Variants in SSBP3 observed in about 807,000 individuals in gnomAD.
SSBP3 encodes the protein single stranded DNA binding protein 3, also known as single-stranded DNA-binding protein 3.
A neutral mutation model predicts 69.6 loss-of-function variants in SSBP3; 5 were observed. That is an observed-to-expected ratio of 0.07 (90% CI 0.04 to 0.15). SSBP3 has a LOEUF of 0.15. Among genes scored for constraint, SSBP3 ranks in the 10% least tolerant of loss-of-function variants. The pLI is 1.00. For synonymous variants in SSBP3, 196 were observed against 193.4 expected (o/e 1.01, Z -0.11); for missense variants, 312 against 534.0 (o/e 0.58, Z 4.10).
chr1:54,326,138 T>C (rs1646299035), intron 4 of SSBP3, among the ~76,000 whole-genome samples: 1 of 151,102 alleles, frequency 6.6e-6, no homozygotes, highest in South Asian at 2.1e-4. Flanking sequence ...CAGGGTAATC[T>C]GATGATCGCA....
chr1:54,404,330 G>T (rs527443060), intron 3 of SSBP3, among the ~76,000 whole-genome samples: 192 of 152,284 alleles, frequency 1.3e-3, no homozygotes, highest in Non-Finnish European at 9.3e-4. Context: ...AAATGTAAAA[G>T]TAAGGAGTTT....
intron 7 of SSBP3, among the ~76,000 whole-genome samples, chr1:54,252,476 C>T (rs1475935886): frequency 9.8e-5 from 15 of 152,334 alleles, no homozygotes; most frequent in African/African-American, 2.4e-5. Context: ...CAGGTCACAT[C>T]CCATCAGCTT....
At chr1:54,404,045 G>C (rs763024450) in intron 3 of SSBP3, among the ~76,000 whole-genome samples, 1 of 151,874 alleles carries the variant, frequency 6.6e-6, no homozygotes, top group South Asian at 2.1e-4. Context: ...GCTCCCAGAG[G>C]AAAGGAAGGA....
At chr1:54,339,644 G>A (rs1358135963) in intron 4 of SSBP3, among the ~76,000 whole-genome samples, 1 of 152,142 alleles carries the variant, frequency 6.6e-6, no homozygotes, top group Non-Finnish European at 1.5e-5. Context: ...CGGGCATGGT[G>A]GCTCACACCT....
At chr1:54,370,430 G>A (rs542010629) in intron 4 of SSBP3, among the ~76,000 whole-genome samples, 29 of 152,308 alleles carry the variant, frequency 1.9e-4, no homozygotes, top group African/African-American at 6.0e-4. Flanking sequence ...AAGAGTTACC[G>A]TGATCAACTT....
chr1:54,279,153 C>T (rs544332447), intron 5 of SSBP3, among the ~76,000 whole-genome samples: 52 of 152,176 alleles, frequency 3.4e-4, no homozygotes, highest in Non-Finnish European at 6.9e-4. Context: ...GAGGCCAAGA[C>T]ATTGCTCTCT....
upstream of SSBP3, among the ~76,000 whole-genome samples, chr1:54,407,402 A>G (rs1649854389): frequency 6.7e-6 from 1 of 148,402 alleles, no homozygotes; most frequent in African/African-American, 2.5e-5. Context: ...GCGTAGGGGG[A>G]GGGGAAGCTT....
intron 4 of SSBP3, among the ~76,000 whole-genome samples, chr1:54,337,227 A>G (rs2100496219): frequency 6.6e-6 from 1 of 152,280 alleles, no homozygotes; most frequent in South Asian, 2.1e-4. Context: ...AACGGTTCAC[A>G]GGGCACACAG....
chr1:54,400,897 A>T (rs1180880680), intron 4 of SSBP3, among the ~76,000 whole-genome samples: 1 of 152,192 alleles, frequency 6.6e-6, no homozygotes, highest in African/African-American at 2.4e-5. Context: ...GACGTTCAAG[A>T]AACCAACTCC....
Position 54,297,547 on chromosome 1 carries a change from C to A in SSBP3, c.277-16020G>T, listed in dbSNP as rs554632823. ...TTGGGAAGCTGAGGCAGGAGAATCG[C>A]TTGAACTTGGGAGGCAGAGGTTGCA... is the stretch of plus-strand genomic sequence containing the variant. On this transcript the variant is annotated intron_variant, in intron 4 of 17. Transcript: ENST00000610401. 7.9e-4 allele frequency among the ~76,000 whole-genome samples: 120 copies of A among 152,316 alleles called. 2 individuals carry two copies. Among genetic ancestry groups the A allele is most frequent in the African/African-American group, 2.8e-3 (116 of 41,564 alleles).
rs76784164 is a variant in SSBP3 at position 54,232,097 on chromosome 1, T to G, written c.928-3271A>C. On this transcript the variant is annotated intron_variant, in intron 14 of 17. Transcript: ENST00000610401. Reference sequence around the variant, plus strand: ...TTGTCTCAGCATCATTTATTCTGTATTATTTACTTTTCCATTAGATTAATG... The same window carrying G: ...TTGTCTCAGCATCATTTATTCTGTAGTATTTACTTTTCCATTAGATTAATG... Among the ~76,000 whole-genome samples, 687 of 152,358 alleles carry G rather than the reference T, an allele frequency of 4.5e-3. 6 individuals carry two copies. The highest frequency in any genetic ancestry group is 0.016 in the African/African-American group (656 of 41,584).
chr1:54,296,735 C>T lies in SSBP3; in HGVS notation c.277-15208G>A, dbSNP rs75869723. 4.7e-4 allele frequency among the ~76,000 whole-genome samples: 72 copies of T among 152,240 alleles called. No homozygotes were observed. The East Asian group carries it at 0.013, about 27-fold the overall frequency. The stretch of plus-strand genomic sequence containing the variant: ...GCCTGGCACGCATCCATCAGGTGCT[C>T]CAGAAATACTTGCCAAATGGGTATT... On this transcript the variant is annotated intron_variant, in intron 4 of 17. Transcript: ENST00000610401.
chr1:54,321,943 C>A (rs1370507326), intron 4 of SSBP3, among the ~76,000 whole-genome samples: 1 of 152,186 alleles, frequency 6.6e-6, no homozygotes, highest in Non-Finnish European at 1.5e-5. Context: ...GAGATAAAAA[C>A]TGAAAGCTGG....
intron 5 of SSBP3, among the ~76,000 whole-genome samples, chr1:54,267,659 G>A (rs1049591197): frequency 1.3e-5 from 2 of 152,198 alleles, no homozygotes; most frequent in African/African-American, 4.8e-5. Flanking sequence ...TGCACAAGAT[G>A]GTGGGGATGG....
chr1:54,276,429 G>T (rs964599626), intron 5 of SSBP3, among the ~76,000 whole-genome samples: 1 of 151,774 alleles, frequency 6.6e-6, no homozygotes, highest in African/African-American at 2.4e-5. Context: ...TGGCCAGCAT[G>T]GTGAAACCCC....
At position 54,396,193 on chromosome 1, in the gene SSBP3, G is replaced by GAAAAAAAAAAAAAAA. The variant is rs59276509; in HGVS notation, c.276+5653_276+5667dup. Among the ~76,000 whole-genome samples, 135 of 40,566 alleles carry GAAAAAAAAAAAAAAA rather than the reference G, an allele frequency of 3.3e-3. 1 individual carries two copies. The highest frequency in any genetic ancestry group is 0.012 in the East Asian group (7 of 592). The allele number at this position is 40,566 out of a possible 152,430, so 26.6% of individuals were successfully genotyped here. ...GGTGACAGAGTGAGACTCCATCTCA[G>GAAAAAAAAAAAAAAA]AAAAAAAAAAAAAAAAAAAAAAAAA... On this transcript the variant is annotated intron_variant, in intron 4 of 17. Transcript: ENST00000610401.
At chr1:54,246,542 G>T (rs1644737351) in intron 9 of SSBP3, among the ~76,000 whole-genome samples, 1 of 152,190 alleles carries the variant, frequency 6.6e-6, no homozygotes, top group Non-Finnish European at 1.5e-5. Context: ...TCACTCCATA[G>T]AGCCCTCTTG....
At chr1:54,296,907 T>C (rs1645713485) in intron 4 of SSBP3, among the ~76,000 whole-genome samples, 1 of 152,214 alleles carries the variant, frequency 6.6e-6, no homozygotes, top group East Asian at 1.9e-4. Context: ...GGAACAATAA[T>C]AAGCCCCCAC....
intron 4 of SSBP3, among the ~76,000 whole-genome samples, chr1:54,332,931 CGAGCACACACACACGCGT>C (rs1646443932): frequency 6.6e-6 from 1 of 152,102 alleles, no homozygotes. Flanking sequence ...CACACACGCG[CGAGCACACACACACGCGT>C]GCGCCTCCTC....
Sources: gnomAD v4.1 joint callset for allele counts (sites outside exome capture counted in the v4.1 genomes callset) on GRCh38, gnomAD v4.1.1 for gene constraint, MANE v1.5 for transcripts, NCBI Gene and HGNC (gene_info 2026-07-23, HGNC 2026-07-21) for gene names.